Variants in GFAP observed in about 807,000 individuals in gnomAD.
The protein encoded by GFAP is intermediate filament protein.
In GFAP, 38 loss-of-function variants were observed where a neutral mutation model predicts 49.3. The observed-to-expected ratio is 0.77, with a 90% CI of 0.60 to 1.01. The LOEUF is 1.01. Ranked by LOEUF, GFAP falls within the 50% of genes least tolerant of loss-of-function variation. GFAP has a pLI of 0.00. For missense variants in GFAP, 463 were observed against 579.1 expected (o/e 0.80, Z 2.06); for synonymous variants, 222 against 236.4 (o/e 0.94, Z 0.56).
intron 8 of GFAP, chr17:44,907,607 G>A: frequency 1.6e-6 from 1 of 626,170 alleles, no homozygotes; most frequent in South Asian, 1.8e-5. Flanking sequence ...TAAGCTGCTG[G>A]AGTAAGATGA....
Position 44,915,444 on chromosome 17 carries a change from C to A in GFAP, c.43G>T (p.Val15Phe). The change falls in exon 1 of 9, where the codon GTC becomes TTC. Residue 15 changes from valine (V) to phenylalanine (F), a missense_variant. By Grantham distance (50) the Val-to-Phe change is conservative (BLOSUM62 -1). Transcript: ENST00000588735. This position sits in a 1 kb window ranked among gnomAD's most constrained non-coding sequence, Gnocchi z 4.1. ...CCCACCATCATCTCCCCTGAGGAGACGTAGGAGCGGCGAGCAGCGGAGGTG... is the reference window on the plus strand; with the variant it reads ...CCCACCATCATCTCCCCTGAGGAGAAGTAGGAGCGGCGAGCAGCGGAGGTG... The part of the protein sequence containing the change: ...RITSAARRSY[V>F]SSGEMMVGGL... 1 of 1,608,456 alleles carries A rather than the reference C, an allele frequency of 6.2e-7. No homozygotes were observed. The highest frequency in any genetic ancestry group is 1.1e-5 in the South Asian group (1 of 90,458).
At position 44,905,465 on chromosome 17, in the gene GFAP, A is replaced by C; in HGVS notation, c.*1882T>G. 4.9e-6 allele frequency: 1 copy of C among 204,186 alleles called. No individual in the cohort carries two copies. Among genetic ancestry groups the C allele is most frequent in the South Asian group, 1.0e-4 (1 of 9,580 alleles). 12.6% of individuals were successfully genotyped at this position (204,186 alleles called of 1,614,324 possible). ...CAGGTAGCAGGGAGAGGAAGGAAGA[A>C]AAGAGTGGAGGGAGCTGGTGTATGT... On this transcript the variant is annotated 3_prime_UTR_variant, in exon 9 of 9. Transcript: ENST00000588735.
At chr17:44,911,539 C>T in intron 5 of GFAP, 83 bp from the exon 6 acceptor site, 1 of 1,550,456 alleles carries the variant, frequency 6.4e-7, no homozygotes, top group Non-Finnish European at 8.7e-7. Context: ...CCCCAGGCCC[C>T]GCCTCTAGCC....
rs1278125959 is a variant in GFAP at position 44,903,426 on chromosome 17, G to A, written c.*3921C>T. 9 of 1,251,896 alleles carry A rather than the reference G, an allele frequency of 7.2e-6. No individual in the cohort carries two copies. Among genetic ancestry groups the A allele is most frequent in the Non-Finnish European group, 6.0e-6 (6 of 999,860 alleles). The allele number at this position is 1,251,896 out of a possible 1,614,324, so 77.5% of individuals were successfully genotyped here. On this transcript the variant is annotated 3_prime_UTR_variant, in exon 9 of 9. Coordinates refer to ENST00000588735, the MANE Select transcript of GFAP (RefSeq NM_002055.5). The stretch of plus-strand genomic sequence containing the variant: ...GTGGGTTTCCTTCATCCCCCAGGTT[G>A]ATGAAAGACTTTTCCACCAGGCTGG...
chr17:44,908,092 A>G lies in GFAP; in HGVS notation c.1229T>C (p.Val410Ala). 1 of 1,609,132 alleles carries G rather than the reference A, an allele frequency of 6.2e-7. No homozygotes were observed. The highest frequency in any genetic ancestry group is 8.5e-7 in the Non-Finnish European group (1 of 1,175,740). Reference protein sequence around the residue: ...SEGHLKRNIVVKTVEMRDGEV... With the variant: ...SEGHLKRNIVAKTVEMRDGEV... ...TCCATCCCGCATCTCCACGGTCTTCACCACGATGTTCCTCTTGAGGTGGCC... is the reference window on the plus strand; with the variant it reads ...TCCATCCCGCATCTCCACGGTCTTCGCCACGATGTTCCTCTTGAGGTGGCC... The change falls in exon 8 of 9, where the codon GTG becomes GCG. Residue 410 changes from valine (V) to alanine (A), a missense_variant. Val to Ala is a moderately conservative substitution (Grantham distance 64). Transcript: ENST00000588735.
Position 44,913,353 on chromosome 17 carries a change from G to T in GFAP, c.696C>A (p.Thr232=), listed in dbSNP as rs752795119. ...VELDVAKPDL[T]AALKEIRTQY... is the part of the protein sequence containing the mutation. ...GCGTGCGGATCTCTTTCAGGGCTGC[G>T]GTGAGGTCTGGCTTGGCCACGTCAA... Residue 232 remains threonine (T), a synonymous_variant, in exon 4 of 9, where the codon ACC becomes ACA. Transcript: ENST00000588735. 1 of 1,614,142 alleles carries T rather than the reference G, an allele frequency of 6.2e-7. No homozygotes were observed. The highest frequency in any genetic ancestry group is 8.5e-7 in the Non-Finnish European group (1 of 1,179,994).
In GFAP at chr17:44,904,771, G is replaced by A; in HGVS notation, c.*2576C>T. 1 of 1,550,694 alleles carries A rather than the reference G, an allele frequency of 6.4e-7. No individual in the cohort carries two copies. The highest frequency in any genetic ancestry group is 8.7e-7 in the Non-Finnish European group (1 of 1,147,018). On this transcript the variant is annotated 3_prime_UTR_variant, in exon 9 of 9. Coordinates refer to ENST00000588735, the MANE Select transcript of GFAP (RefSeq NM_002055.5). ...ACCTCTACCGCACACAGTACCTGAA[G>A]GGTGTCAACAGGTCCATGAGGGTGT... is the stretch of plus-strand genomic sequence containing the variant.
rs756829992 is a variant in GFAP, at chr17:44,911,383, G to T, written c.980C>A (p.Ala327Glu). ...HVREAASYQE[A>E]LARLEEEGQS... ...CCCCTCTTCCTCCAGCCGCGCCAGC[G>T]CCTCCTGATAACTGGCCGCCTCCCG... Residue 327 changes from alanine to glutamate, a missense_variant, in exon 6 of 9, where the codon GCG becomes GAG. By Grantham distance (107) the Ala-to-Glu change is moderately radical (BLOSUM62 -1). Around this residue, in one of 3 missense-constraint regions of GFAP, gnomAD observed 362 missense variants for 445.5 expected, o/e 0.81. Transcript: ENST00000588735. The T allele has an allele frequency of 1.3e-5, 21 of 1,613,902 alleles. No individual in the cohort carries two copies. In the South Asian group the frequency reaches 2.3e-4, roughly 18 times the overall value.
chr17:44,910,899 G>C, intron 6 of GFAP: 1 of 622,908 alleles, frequency 1.6e-6, no homozygotes, highest in Non-Finnish European at 2.8e-6. Context: ...AAAAGGGAGG[G>C]GAAAGTGGTG....
At position 44,903,172 on chromosome 17, in the gene GFAP, G is replaced by A. The variant is rs2051591383; in HGVS notation, c.*4175C>T. 7.9e-7 allele frequency: 1 copy of A among 1,266,948 alleles called. No individual in the cohort carries two copies. Among genetic ancestry groups the A allele is most frequent in the Non-Finnish European group, 9.9e-7 (1 of 1,008,472 alleles). 78.5% of individuals were successfully genotyped at this position (1,266,948 alleles called of 1,614,324 possible). On this transcript the variant is annotated 3_prime_UTR_variant, in exon 9 of 9. Coordinates refer to ENST00000588735, the MANE Select transcript of GFAP (RefSeq NM_002055.5). The stretch of plus-strand genomic sequence containing the variant: ...AGCCTCCACTCATAAAAGGGAAAAA[G>A]CAAAATCTTTATGGTAAACAAACAC...
intron 7 of GFAP, chr17:44,909,054 T>C (rs1439603823): frequency 1.3e-5 from 2 of 151,348 alleles, no homozygotes; most frequent in African/African-American, 4.9e-5. Flanking sequence ...TGAGCCAAGA[T>C]TGCACTACTG....
chr17:44,908,398 TG>T, intron 7 of GFAP: 1 of 444,842 alleles, frequency 2.2e-6, no homozygotes. Context: ...AGCCCTGGCC[TG>T]GCACCTGGCT....
intron 7 of GFAP, 146 bp downstream of exon 7, chr17:44,910,469 C>T (rs2051734353): frequency 1.9e-6 from 3 of 1,556,922 alleles, no homozygotes; most frequent in Middle Eastern, 3.3e-4. Flanking sequence ...TAGGCTCTGG[C>T]TAGGAGCGCT....
In GFAP at chr17:44,903,243, T is replaced by C; in HGVS notation, c.*4104A>G. 8.0e-7 allele frequency: 1 copy of C among 1,252,040 alleles called. No homozygotes were observed. The highest frequency in any genetic ancestry group is 1.0e-6 in the Non-Finnish European group (1 of 999,386). 77.6% of individuals were successfully genotyped at this position (1,252,040 alleles called of 1,614,324 possible). On this transcript the variant is annotated 3_prime_UTR_variant, in exon 9 of 9. Coordinates refer to ENST00000588735, the MANE Select transcript of GFAP (RefSeq NM_002055.5). ...AAGAATGTTTATAGCCCCAAACCAA[T>C]GAATGGACATGTAATCAACAAATGA... is the stretch of plus-strand genomic sequence containing the variant.
chr17:44,914,937 C>CA, intron 1 of GFAP, 89 bp downstream of exon 1: 1 of 1,169,850 alleles, frequency 8.5e-7, no homozygotes, highest in Non-Finnish European at 1.2e-6. Flanking sequence ...CAGGGAGGTT[C>CA]GGCCCCTCCC....
At position 44,910,019 on chromosome 17, in the gene GFAP, T is replaced by A. The variant is rs796415394; in HGVS notation, c.1171+596A>T. On this transcript the variant is annotated intron_variant, in intron 7 of 8. Transcript: ENST00000588735. ...TGCAGTTCCTGGGAAAATGACGCAG[T>A]CCAGGCCCTTTAGGGGAAGCCTGGG... is the stretch of plus-strand genomic sequence containing the variant. 11 of 1,582,580 alleles carry A rather than the reference T, an allele frequency of 7.0e-6. No homozygotes were observed. In the African/African-American group the frequency reaches 1.1e-4, roughly 15 times the overall value.
chr17:44,903,936 T>C lies in GFAP; in HGVS notation c.*3411A>G. ...CAGAGGACCCCCTGCCCTGCTTTCC[T>C]GATGTTTGAAAATGCAGCCTACCTG... On this transcript the variant is annotated 3_prime_UTR_variant, in exon 9 of 9. Coordinates refer to ENST00000588735, the MANE Select transcript of GFAP (RefSeq NM_002055.5). The C allele has an allele frequency of 1.3e-6, 2 of 1,550,570 alleles. No homozygotes were observed. Among genetic ancestry groups the C allele is most frequent in the Non-Finnish European group, 1.7e-6 (2 of 1,146,994 alleles).
rs1202345268 is a variant in GFAP at position 44,914,092 on chromosome 17, G to A, written c.462-4C>T. 1 of 1,550,946 alleles carries A rather than the reference G, an allele frequency of 6.4e-7. No individual in the cohort carries two copies. The highest frequency in any genetic ancestry group is 1.4e-5 in the African/African-American group (1 of 73,168). On this transcript the variant is annotated splice_region_variant and splice_polypyrimidine_tract_variant and intron_variant, in intron 1 of 8. Coordinates refer to ENST00000588735, the MANE Select transcript of GFAP (RefSeq NM_002055.5). ...CAGGTTGGTTTCATCCTGGAGCCTG[G>A]AGTGGGGGGACACATTCCTGGGTCC... is the stretch of plus-strand genomic sequence containing the variant.
At chr17:44,913,215 A>G in intron 4 of GFAP, 54 bp downstream of exon 4, 1 of 1,554,208 alleles carries the variant, frequency 6.4e-7, no homozygotes, top group Non-Finnish European at 8.9e-7. Flanking sequence ...ATTCTCTTGT[A>G]CAGAGCAAGA....
Sources: allele counts gnomAD v4.1 joint callset, GRCh38; gene constraint gnomAD v4.1.1; regional missense constraint gnomAD v4.1.1; non-coding constraint Gnocchi (gnomAD v3.1); transcripts MANE v1.5; gene names NCBI Gene and HGNC (gene_info 2026-07-23, HGNC 2026-07-21).